The following TENM1 variants were observed in gnomAD, a reference collection of about 807,000 sequenced individuals.
TENM1 encodes teneurin transmembrane protein 1, also known as teneurin-1.
Under a neutral mutation model 174.8 loss-of-function variants are expected in TENM1, and 35 were observed. The ratio of observed to expected loss-of-function variants is 0.20; its 90% CI spans 0.15 to 0.27. The LOEUF (loss-of-function observed/expected upper bound fraction) is 0.27, where lower values mean the gene tolerates loss of function less well. Ranked by LOEUF, TENM1 falls within the 10% of genes least tolerant of loss-of-function variation. The pLI, the probability that TENM1 is intolerant of heterozygous loss-of-function variation, is 1.00. For missense variants in TENM1, 1,633 were observed against 2,130.1 expected (o/e 0.77, Z 4.59); for synonymous variants, 781 against 798.7 (o/e 0.98, Z 0.37).
intron 27 of TENM1, among the ~76,000 whole-genome samples, chrX:124,401,203 T>C (rs1185662384): frequency 1.8e-5 from 2 of 111,351 alleles, no homozygotes; most frequent in Non-Finnish European, 3.8e-5. Context: ...AGCTAAAAGG[T>C]CTGGGGGAGG....
intron 2 of TENM1, among the ~76,000 whole-genome samples, chrX:124,895,343 ATAAAT>A (rs982157233): frequency 3.6e-5 from 4 of 112,278 alleles, no homozygotes; most frequent in South Asian, 7.4e-4. Flanking sequence ...CAGAAATAAA[ATAAAT>A]TAACCCCTTT....
At chrX:124,794,437 G>A (rs1027777381) in intron 3 of TENM1, among the ~76,000 whole-genome samples, 2 of 111,504 alleles carry the variant, frequency 1.8e-5, no homozygotes, top group Non-Finnish European at 3.8e-5. Context: ...CAAGATAATA[G>A]AATCATACCG....
At chrX:124,593,033 T>C (rs1051696489) in intron 11 of TENM1, among the ~76,000 whole-genome samples, 1 of 111,614 alleles carries the variant, frequency 9.0e-6, no homozygotes, top group Non-Finnish European at 1.9e-5. Context: ...GACTGATTCA[T>C]GCAGTGCAGA....
At chrX:124,452,997 A>G (rs1274950944) in intron 23 of TENM1, among the ~76,000 whole-genome samples, 1 of 111,080 alleles carries the variant, frequency 9.0e-6, no homozygotes, top group African/African-American at 3.3e-5. Context: ...GTACCCTAGA[A>G]CTTAAAGTAT....
At chrX:124,984,366 G>A in the TENM1 span, among the ~76,000 whole-genome samples, 1 of 112,166 alleles carries the variant, frequency 8.9e-6, no homozygotes, top group Non-Finnish European at 1.9e-5. Flanking sequence ...ATGACTAATT[G>A]GGACGAAACG....
intron 11 of TENM1, among the ~76,000 whole-genome samples, chrX:124,572,393 T>G (rs2049075482): frequency 8.9e-6 from 1 of 111,858 alleles, no homozygotes; most frequent in Non-Finnish European, 1.9e-5. Context: ...AGTTCCTATT[T>G]ATGATAGAAT....
At chrX:124,405,803 T>C (rs2060456055) in intron 26 of TENM1, among the ~76,000 whole-genome samples, 1 of 111,272 alleles carries the variant, frequency 9.0e-6, no homozygotes, top group African/African-American at 3.3e-5. Context: ...GTCCTCTAGC[T>C]TCTAAGACAT....
At chrX:124,723,454 G>A (rs1487366539) in intron 4 of TENM1, among the ~76,000 whole-genome samples, 1 of 111,166 alleles carries the variant, frequency 9.0e-6, no homozygotes. Flanking sequence ...TGTTGCCATG[G>A]TTTGGTTTTT....
intron 11 of TENM1, among the ~76,000 whole-genome samples, chrX:124,585,471 A>G (rs1213684088): frequency 9.0e-6 from 1 of 111,577 alleles, no homozygotes; most frequent in African/African-American, 3.3e-5. Flanking sequence ...AGAAATAAAG[A>G]TGTTCTTTGA....
At chrX:124,738,982 C>T (rs2053740961) in intron 3 of TENM1, among the ~76,000 whole-genome samples, 1 of 112,112 alleles carries the variant, frequency 8.9e-6, no homozygotes, top group Non-Finnish European at 1.9e-5. Flanking sequence ...GATTTAGAGA[C>T]AAAGAATTGT....
At chrX:124,734,468 A>C (rs188463978) in intron 4 of TENM1, among the ~76,000 whole-genome samples, 86 of 110,319 alleles carry the variant, frequency 7.8e-4, no homozygotes, top group Non-Finnish European at 1.3e-3. Context: ...ATAAATAAAT[A>C]AATAAATAAA....
intron 27 of TENM1, among the ~76,000 whole-genome samples, chrX:124,399,657 T>A (rs1277274864): frequency 8.9e-6 from 1 of 111,896 alleles, no homozygotes; most frequent in Non-Finnish European, 1.9e-5. Flanking sequence ...GTTATCTTAG[T>A]GAGGTTGATC....
chrX:125,018,302 C>T, the TENM1 span, among the ~76,000 whole-genome samples: 23 of 111,373 alleles, frequency 2.1e-4, no homozygotes, highest in Non-Finnish European at 1.7e-4. Context: ...TTAAACTTTA[C>T]CATAATGATT....
chrX:124,475,076 C>T (rs1014317218), intron 22 of TENM1, among the ~76,000 whole-genome samples: 2 of 111,365 alleles, frequency 1.8e-5, no homozygotes, highest in Non-Finnish European at 3.8e-5. Context: ...TGGTAGAATG[C>T]TGTCTTACCC....
At chrX:125,013,022 T>C in the TENM1 span, among the ~76,000 whole-genome samples, 1,366 of 111,932 alleles carry the variant, frequency 0.012, 27 homozygotes, top group African/African-American at 0.042. Flanking sequence ...GTTTCACTTT[T>C]CCTATGAATG....
At chrX:124,647,713 C>T (rs749999083) in intron 8 of TENM1, among the ~76,000 whole-genome samples, 7 of 105,293 alleles carry the variant, frequency 6.6e-5, no homozygotes, top group Non-Finnish European at 1.1e-4. Flanking sequence ...TTTATTCTCG[C>T]AGGGATTTTT....
chrX:125,071,169 C>A, the TENM1 span, among the ~76,000 whole-genome samples: 43 of 111,639 alleles, frequency 3.9e-4, no homozygotes, highest in African/African-American at 9.4e-4. Flanking sequence ...CTATTTCCCA[C>A]AAAAGCGACC....
intron 3 of TENM1, among the ~76,000 whole-genome samples, chrX:124,841,274 T>C (rs953911911): frequency 8.9e-6 from 1 of 111,958 alleles, no homozygotes; most frequent in Non-Finnish European, 1.9e-5. Flanking sequence ...AAACACATCA[T>C]CTTTTGTCCT....
At chrX:124,750,938 G>A (rs1421071168) in intron 3 of TENM1, among the ~76,000 whole-genome samples, 1 of 112,413 alleles carries the variant, frequency 8.9e-6, no homozygotes, top group African/African-American at 3.2e-5. Context: ...TTATTTGTAA[G>A]TCCGATTCAA....
Sources: gnomAD v4.1 joint callset for allele counts (sites outside exome capture counted in the v4.1 genomes callset) on GRCh38, gnomAD v4.1.1 for gene constraint, MANE v1.5 for transcripts, NCBI Gene and HGNC (gene_info 2026-07-23, HGNC 2026-07-21) for gene names.